S100Z: variants seen among roughly 807,000 people sequenced by gnomAD.
S100Z encodes the protein protein S100-Z.
A neutral mutation model predicts 8.5 loss-of-function variants in S100Z; 11 were observed. That is an observed-to-expected ratio of 1.30 (90% CI 0.82 to 2.15). The LOEUF (loss-of-function observed/expected upper bound fraction) is 2.15. Ranked by LOEUF, S100Z falls within the 30% of genes most tolerant of loss-of-function variation. The pLI, the probability that S100Z is intolerant of heterozygous loss-of-function variation, is 0.00. For synonymous variants in S100Z, 34 were observed against 43.8 expected, an observed-to-expected ratio of 0.78 and a Z score of 0.89; for missense variants, 126 against 117.9, an observed-to-expected ratio of 1.07 and a Z score of -0.32.
the S100Z span, among the ~76,000 whole-genome samples, chr5:76,932,597 G>A: frequency 6.6e-6 from 1 of 152,052 alleles, no homozygotes; most frequent in Non-Finnish European, 1.5e-5. Context: ...CAAGTGATCC[G>A]CCCGCCTTGG....
intron 4 of S100Z, among the ~76,000 whole-genome samples, chr5:76,909,524 A>G (rs911246136): frequency 6.6e-6 from 1 of 152,166 alleles, no homozygotes; most frequent in Non-Finnish European, 1.5e-5. Context: ...CTTGCAATTT[A>G]CATCCTACAG....
chr5:76,859,957 C>A (rs1028763801), intron 1 of S100Z, among the ~76,000 whole-genome samples: 8 of 152,058 alleles, frequency 5.3e-5, no homozygotes, highest in African/African-American at 1.9e-4. Context: ...AAGGCTAATT[C>A]TTTGTGGAGA....
rs140877634 is a variant in S100Z at position 76,860,046 on chromosome 5, A to G, written c.-176+9891A>G. 5.4e-3 allele frequency among the ~76,000 whole-genome samples: 818 copies of G among 152,310 alleles called. 11 individuals carry two copies. Among genetic ancestry groups the G allele is most frequent in the African/African-American group, 0.019 (776 of 41,572 alleles). On this transcript the variant is annotated intron_variant, in intron 1 of 4. Transcript: ENST00000317593. ...GGCAGAAATCAGTCTTGAATGAGGTATATCAGACAGGGCTCTTAATTGCCG... is the reference window on the plus strand; with the variant it reads ...GGCAGAAATCAGTCTTGAATGAGGTGTATCAGACAGGGCTCTTAATTGCCG...
In S100Z at chr5:76,896,215, C is replaced by T. The variant is rs114051539; in HGVS notation, c.*2+18381C>T. On this transcript the variant is annotated intron_variant, in intron 4 of 4. Transcript: ENST00000317593. ...ACCCTTCCCAGTCTCTAGTAACCATCATTCTACTCTCTATGTCCATGAGTT... is the reference window on the plus strand; with the variant it reads ...ACCCTTCCCAGTCTCTAGTAACCATTATTCTACTCTCTATGTCCATGAGTT... 9.3e-3 allele frequency among the ~76,000 whole-genome samples: 1,412 copies of T among 152,266 alleles called. 8 individuals carry two copies. Among genetic ancestry groups the T allele is most frequent in the Non-Finnish European group, 0.016 (1,065 of 68,022 alleles).
the S100Z span, among the ~76,000 whole-genome samples, chr5:76,940,910 A>AT: frequency 1.3e-5 from 2 of 151,964 alleles, no homozygotes; most frequent in Non-Finnish European, 2.9e-5. Flanking sequence ...GATCTTGACA[A>AT]TTTTGAGAAG....
intron 1 of S100Z, among the ~76,000 whole-genome samples, chr5:76,853,679 C>T (rs1308663961): frequency 1.3e-5 from 2 of 151,978 alleles, no homozygotes; most frequent in Non-Finnish European, 2.9e-5. Context: ...CACCTGTAGT[C>T]CCAGCTACTG....
At chr5:76,943,350 A>C in the S100Z span, among the ~76,000 whole-genome samples, 5 of 152,324 alleles carry the variant, frequency 3.3e-5, no homozygotes, top group South Asian at 8.3e-4. Context: ...ATATTGCATG[A>C]GAGAGAGAAA....
chr5:76,935,151 G>A, the S100Z span, among the ~76,000 whole-genome samples: 1 of 152,160 alleles, frequency 6.6e-6, no homozygotes, highest in African/African-American at 2.4e-5. Flanking sequence ...TTGTGATGCT[G>A]GCAAACCAAT....
intron 4 of S100Z, among the ~76,000 whole-genome samples, chr5:76,911,491 T>G (rs1023470861): frequency 6.6e-6 from 1 of 152,292 alleles, no homozygotes; most frequent in East Asian, 1.9e-4. Context: ...CCTTTGAGGA[T>G]CCCACAGACC....
chr5:76,937,993 A>G, the S100Z span, among the ~76,000 whole-genome samples: 1 of 151,972 alleles, frequency 6.6e-6, no homozygotes, highest in African/African-American at 2.4e-5. Flanking sequence ...CAGCTACTCA[A>G]GAGTCTGAGG....
At chr5:76,906,198 G>A (rs1199077297) in intron 4 of S100Z, among the ~76,000 whole-genome samples, 1 of 152,124 alleles carries the variant, frequency 6.6e-6, no homozygotes, top group Non-Finnish European at 1.5e-5. Flanking sequence ...CATATATATG[G>A]TAGACAACGT....
chr5:76,885,915 G>C (rs369096720), intron 4 of S100Z, among the ~76,000 whole-genome samples: 4 of 149,450 alleles, frequency 2.7e-5, no homozygotes, highest in African/African-American at 9.9e-5. Flanking sequence ...GAGAAGGAGT[G>C]GGGGGTGCTT....
At chr5:76,923,713 C>T (rs760405373), downstream of S100Z, among the ~76,000 whole-genome samples, 6 of 152,160 alleles carry the variant, frequency 3.9e-5, no homozygotes, top group Admixed American at 2.0e-4. Flanking sequence ...ATGGGCAAAC[C>T]GTTTTTATAG....
At chr5:76,870,513 C>T (rs567969557) in intron 2 of S100Z, among the ~76,000 whole-genome samples, 4 of 152,148 alleles carry the variant, frequency 2.6e-5, no homozygotes, top group South Asian at 4.1e-4. Context: ...CTCACAGAAC[C>T]CCTCTGAAGG....
chr5:76,888,009 G>C (rs1030615397), intron 4 of S100Z, among the ~76,000 whole-genome samples: 1 of 152,030 alleles, frequency 6.6e-6, no homozygotes, highest in African/African-American at 2.4e-5. Context: ...TGTAATCCCA[G>C]CACTTTGAGA....
At chr5:76,951,001 G>C in the S100Z span, among the ~76,000 whole-genome samples, 1 of 151,388 alleles carries the variant, frequency 6.6e-6, no homozygotes, top group African/African-American at 2.4e-5. Flanking sequence ...ATAGCTTGTA[G>C]TTTCCATCTT....
chr5:76,894,077 A>G (rs1390760551), intron 4 of S100Z, among the ~76,000 whole-genome samples: 1 of 152,194 alleles, frequency 6.6e-6, no homozygotes, highest in Non-Finnish European at 1.5e-5. Flanking sequence ...CTTTGGCATT[A>G]ATATCAACAC....
At chr5:76,874,492 C>G (rs992984684) in intron 2 of S100Z, among the ~76,000 whole-genome samples, 1 of 152,134 alleles carries the variant, frequency 6.6e-6, no homozygotes, top group African/African-American at 2.4e-5. Context: ...CAGCTCACAC[C>G]TGTTCATTTT....
At chr5:76,926,336 A>G (rs898716365), downstream of S100Z, among the ~76,000 whole-genome samples, 1 of 152,186 alleles carries the variant, frequency 6.6e-6, no homozygotes, top group African/African-American at 2.4e-5. Context: ...CTCCAGGAAG[A>G]TGTACTTTTA....
Sources: allele counts gnomAD v4.1 joint callset (sites outside exome capture counted in the v4.1 genomes callset), GRCh38; gene constraint gnomAD v4.1.1; transcripts MANE v1.5; gene names NCBI Gene and HGNC (gene_info 2026-07-23, HGNC 2026-07-21).